Variants in ATE1 observed in about 807,000 individuals in gnomAD.
ATE1 encodes arginyltransferase 1, also known as arginyl-tRNA--protein transferase 1.
Under a neutral mutation model 70.5 loss-of-function variants are expected in ATE1, and 36 were observed. That is an observed-to-expected ratio of 0.51 (90% CI 0.39 to 0.67). The LOEUF is 0.67. Among genes scored for constraint, ATE1 ranks in the 30% least tolerant of loss-of-function variants. The probability of loss-of-function intolerance (pLI) is 0.00; values close to 1 mark genes in which losing one functional copy is unlikely to be tolerated. For missense variants in ATE1, 593 were observed against 629.5 expected (o/e 0.94, Z 0.62); for synonymous variants, 232 against 219.3 (o/e 1.06, Z -0.51).
chr10:121,765,207 A>T (rs1378633672), intron 11 of ATE1, among the ~76,000 whole-genome samples: 1 of 152,236 alleles, frequency 6.6e-6, no homozygotes, highest in Non-Finnish European at 1.5e-5. Flanking sequence ...AGAGTCCCCC[A>T]GGTAGTGCTG....
At chr10:121,926,635 G>A (rs1952102807) in intron 1 of ATE1, 3 of 784,096 alleles carry the variant, frequency 3.8e-6, no homozygotes, top group African/African-American at 3.8e-5. Flanking sequence ...TTTTAGGCAC[G>A]TTTAATGTAA....
At chr10:121,803,123 C>T (rs1041773036) in intron 10 of ATE1, among the ~76,000 whole-genome samples, 26 of 152,108 alleles carry the variant, frequency 1.7e-4, no homozygotes, top group Non-Finnish European at 3.1e-4. Flanking sequence ...TCACCCCTCC[C>T]CTTCCACCCC....
intron 7 of ATE1, 50 bp downstream of exon 7, chr10:121,899,816 T>G (rs1284019333): frequency 3.2e-6 from 5 of 1,578,150 alleles, no homozygotes. Flanking sequence ...TGATATTAAG[T>G]GGAAGGGAAA....
intron 6 of ATE1, among the ~76,000 whole-genome samples, chr10:121,900,962 AG>A (rs1453482258): frequency 2.0e-5 from 3 of 152,184 alleles, no homozygotes; most frequent in Non-Finnish European, 2.9e-5. Context: ...AGAGTAGCCA[AG>A]GAGTTATAAA....
intron 10 of ATE1, among the ~76,000 whole-genome samples, chr10:121,815,205 G>A (rs1008094976): frequency 1.3e-5 from 2 of 152,160 alleles, no homozygotes; most frequent in Non-Finnish European, 2.9e-5. Context: ...GCGCAATCTC[G>A]GCTCACTGCG....
intron 11 of ATE1, among the ~76,000 whole-genome samples, chr10:121,745,464 C>T (rs1328347062): frequency 6.6e-6 from 1 of 152,158 alleles, no homozygotes; most frequent in Non-Finnish European, 1.5e-5. Flanking sequence ...CGCCTGTAAT[C>T]CCAGCACTTT....
intron 8 of ATE1, among the ~76,000 whole-genome samples, chr10:121,863,605 T>G (rs1201394398): frequency 6.6e-6 from 1 of 151,052 alleles, no homozygotes; most frequent in African/African-American, 2.4e-5. Context: ...AATTCTTAAG[T>G]TTTTTTTTCA....
At chr10:121,836,890 A>G in intron 9 of ATE1, 73 bp from the exon 10 acceptor site, 1 of 930,912 alleles carries the variant, frequency 1.1e-6, no homozygotes, top group South Asian at 1.5e-5. Context: ...GTGTAATTTG[A>G]TGGTAAACAT....
intron 2 of ATE1, among the ~76,000 whole-genome samples, chr10:121,923,012 T>C (rs1254232068): frequency 6.6e-6 from 1 of 152,186 alleles, no homozygotes; most frequent in Admixed American, 6.5e-5. Context: ...GCCACTAAGG[T>C]GACAGTCCTC....
At chr10:121,802,463 C>G (rs546035036) in intron 10 of ATE1, among the ~76,000 whole-genome samples, 36 of 152,118 alleles carry the variant, frequency 2.4e-4, no homozygotes, top group African/African-American at 8.2e-4. Flanking sequence ...CGCCCACCAC[C>G]ACGTCTGGCT....
chr10:121,763,345 G>A (rs991061313), intron 11 of ATE1, among the ~76,000 whole-genome samples: 4 of 152,134 alleles, frequency 2.6e-5, no homozygotes, highest in Admixed American at 2.0e-4. Flanking sequence ...TTGCCAACAA[G>A]TGGAAACAAC....
chr10:121,872,750 A>C (rs1436508325), intron 7 of ATE1, among the ~76,000 whole-genome samples: 1 of 152,024 alleles, frequency 6.6e-6, no homozygotes, highest in African/African-American at 2.4e-5. Context: ...TGTGAACCTA[A>C]AACTACTAAA....
intron 11 of ATE1, among the ~76,000 whole-genome samples, chr10:121,773,517 T>C (rs1274828520): frequency 6.6e-6 from 1 of 152,218 alleles, no homozygotes; most frequent in Non-Finnish European, 1.5e-5. Flanking sequence ...GTCTTCACAA[T>C]GCTCAGCTTA....
At chr10:121,877,055 A>G (rs1590602094) in intron 7 of ATE1, among the ~76,000 whole-genome samples, 1 of 152,150 alleles carries the variant, frequency 6.6e-6, no homozygotes, top group Non-Finnish European at 1.5e-5. Context: ...AATCACAAAG[A>G]AAAACATGTT....
At chr10:121,819,778 T>C (rs4462275) in intron 10 of ATE1, among the ~76,000 whole-genome samples, 134,254 of 151,198 alleles carry the variant, frequency 0.89, 59,846 homozygotes, top group Middle Eastern at 0.96. Context: ...CACTAAAGGA[T>C]TTATTCATGT....
intron 8 of ATE1, among the ~76,000 whole-genome samples, chr10:121,851,222 C>A (rs1359836862): frequency 1.4e-4 from 21 of 150,908 alleles, no homozygotes; most frequent in Admixed American, 1.4e-3. Context: ...GAGTTTGAGA[C>A]CAGCCTGGCA....
At chr10:121,926,655 T>G in intron 1 of ATE1, 8 of 882,596 alleles carry the variant, frequency 9.1e-6, no homozygotes, top group Non-Finnish European at 8.1e-6. Flanking sequence ...ACTTATTGAT[T>G]TGATAAATAT....
intron 3 of ATE1, among the ~76,000 whole-genome samples, chr10:121,918,354 T>G (rs1041802441): frequency 6.7e-6 from 1 of 149,900 alleles, no homozygotes; most frequent in South Asian, 2.1e-4. Flanking sequence ...AAAAAGATGA[T>G]GTATAATGAA....
At chr10:121,899,119 G>A (rs376102287) in intron 7 of ATE1, 1 of 808,312 alleles carries the variant, frequency 1.2e-6, no homozygotes, top group African/African-American at 1.7e-5. Flanking sequence ...GAGGCAGACG[G>A]GTGCAGAGAC....
Sources: gnomAD v4.1 joint callset for allele counts (sites outside exome capture counted in the v4.1 genomes callset) on GRCh38, gnomAD v4.1.1 for gene constraint, MANE v1.5 for transcripts, NCBI Gene and HGNC (gene_info 2026-07-23, HGNC 2026-07-21) for gene names.